TEX26: variants seen among roughly 807,000 people sequenced by gnomAD.
TEX26 encodes testis-expressed protein 26.
Under a neutral mutation model 35.3 loss-of-function variants are expected in TEX26, and 34 were observed. The ratio of observed to expected loss-of-function variants is 0.96; its 90% CI spans 0.73 to 1.28. The LOEUF is 1.28. Ranked by LOEUF, TEX26 falls within the 50% of genes most tolerant of loss-of-function variation. TEX26 has a pLI of 0.00. For synonymous variants in TEX26, 136 were observed against 111.8 expected, an observed-to-expected ratio of 1.22 and a Z score of -1.36; for missense variants, 371 against 330.1, an observed-to-expected ratio of 1.12 and a Z score of -0.96.
Position 30,952,831 on chromosome 13 carries a change from A to G in TEX26, c.312+6A>G, listed in dbSNP as rs749074470. The stretch of plus-strand genomic sequence containing the variant: ...ACAAATCTCATCTCAATGAAGTAAG[A>G]TAATATCTACATATGTGTTGAATTT... On this transcript the variant is annotated splice_donor_region_variant and intron_variant, in intron 3 of 6. Coordinates refer to ENST00000380473, the MANE Select transcript of TEX26 (RefSeq NM_152325.3). 6.2e-7 allele frequency: 1 copy of G among 1,610,934 alleles called. No individual in the cohort carries two copies. The highest frequency in any genetic ancestry group is 1.7e-5 in the Admixed American group (1 of 59,868).
intron 6 of TEX26, among the ~76,000 whole-genome samples, chr13:30,971,473 T>A (rs1954709394): frequency 1.3e-5 from 2 of 152,140 alleles, no homozygotes; most frequent in African/African-American, 2.4e-5. Context: ...GCCAGGCTTG[T>A]TCTTAAGTAA....
At position 30,964,704 on chromosome 13, in the gene TEX26, G is replaced by A. The variant is rs554866381; in HGVS notation, c.470-1518G>A. Among the ~76,000 whole-genome samples the A allele has an allele frequency of 2.3e-4, 35 of 152,340 alleles. No homozygotes were observed. The South Asian group carries it at 5.8e-3, about 25-fold the overall frequency. The stretch of plus-strand genomic sequence containing the variant: ...GTTTCATGATTCTGGAGGCTGGGAA[G>A]CCAAGAGCATAGTACTGGCACCTTG... On this transcript the variant is annotated intron_variant, in intron 4 of 6. Transcript: ENST00000380473.
chr13:30,942,396 C>T (rs1210602627), intron 2 of TEX26, among the ~76,000 whole-genome samples: 31 of 151,740 alleles, frequency 2.0e-4, no homozygotes, highest in Admixed American at 2.0e-3. Context: ...TCTTTGAGTT[C>T]CTTGTAGATT....
intron 2 of TEX26, among the ~76,000 whole-genome samples, chr13:30,940,056 A>AAT (rs1238248503): frequency 1.3e-5 from 2 of 152,196 alleles, no homozygotes; most frequent in East Asian, 3.8e-4. Context: ...TATATAGGTT[A>AAT]ATAAGGTTGT....
chr13:30,961,301 G>A (rs1954334214), intron 4 of TEX26, among the ~76,000 whole-genome samples: 1 of 152,196 alleles, frequency 6.6e-6, no homozygotes, highest in Non-Finnish European at 1.5e-5. Flanking sequence ...ACTATGCAGG[G>A]TTATGAAGGT....
intron 4 of TEX26, among the ~76,000 whole-genome samples, chr13:30,957,401 G>A (rs1000009977): frequency 1.3e-5 from 2 of 152,174 alleles, no homozygotes; most frequent in African/African-American, 4.8e-5. Flanking sequence ...AGCATCAAGG[G>A]CAAAGGGAGG....
At chr13:30,961,737 G>A (rs550727743) in intron 4 of TEX26, among the ~76,000 whole-genome samples, 7 of 152,082 alleles carry the variant, frequency 4.6e-5, no homozygotes, top group Non-Finnish European at 7.4e-5. Flanking sequence ...ACCTTCAATG[G>A]AGATTTTTCC....
At chr13:30,940,663 G>A (rs544602355) in intron 2 of TEX26, among the ~76,000 whole-genome samples, 7 of 152,224 alleles carry the variant, frequency 4.6e-5, no homozygotes, top group Middle Eastern at 3.4e-3. Context: ...GTCACTGGTA[G>A]GTATGAAATC....
At chr13:30,963,031 T>A (rs978550752) in intron 4 of TEX26, among the ~76,000 whole-genome samples, 6 of 151,582 alleles carry the variant, frequency 4.0e-5, no homozygotes, top group Non-Finnish European at 8.8e-5. Flanking sequence ...GGTTTCTCAG[T>A]GTTAGCCAGG....
intron 2 of TEX26, among the ~76,000 whole-genome samples, chr13:30,946,129 T>C (rs1052558458): frequency 6.6e-6 from 1 of 151,920 alleles, no homozygotes; most frequent in Non-Finnish European, 1.5e-5. Flanking sequence ...CCCATATTTC[T>C]TGGAGACTTT....
At chr13:30,971,833 A>G (rs928129964) in intron 6 of TEX26, among the ~76,000 whole-genome samples, 5 of 152,188 alleles carry the variant, frequency 3.3e-5, no homozygotes, top group Non-Finnish European at 7.3e-5. Flanking sequence ...CCCCTAGTTG[A>G]AAGGTAAAAT....
Position 30,968,898 on chromosome 13 carries a change from G to A in TEX26, c.660G>A (p.Leu220=). The change falls in exon 6 of 7, where the codon CTG becomes CTA. Residue 220 remains leucine (L), a synonymous_variant. Transcript: ENST00000380473. ...VASQGLVPSV[L]HSYLRNQEHT... is the part of the protein sequence containing the mutation. ...GTATTTCTATAGTGCCTTCTGTGCT[G>A]CACAGCTACCTGAGGAACCAAGAGC... The A allele has an allele frequency of 6.2e-7, 1 of 1,613,694 alleles. No homozygotes were observed. Among genetic ancestry groups the A allele is most frequent in the Admixed American group, 1.7e-5 (1 of 59,978 alleles).
intron 2 of TEX26, among the ~76,000 whole-genome samples, chr13:30,940,151 T>A (rs1175842856): frequency 2.6e-5 from 4 of 152,082 alleles, no homozygotes; most frequent in Middle Eastern, 3.4e-3. Flanking sequence ...GATGAATGGA[T>A]GAATAAATAC....
At chr13:30,956,299 A>G (rs2138272449) in intron 3 of TEX26, among the ~76,000 whole-genome samples, 1 of 151,646 alleles carries the variant, frequency 6.6e-6, no homozygotes, top group African/African-American at 2.4e-5. Context: ...GTTTGCTGAG[A>G]ATGATGGTTT....
intron 1 of TEX26, chr13:30,933,542 G>C (rs1953153292): frequency 6.6e-6 from 1 of 152,228 alleles, no homozygotes; most frequent in African/African-American, 2.4e-5. Flanking sequence ...TTCCACAGTG[G>C]CTATGGAGCA....
chr13:30,940,592 C>T (rs1444820732), intron 2 of TEX26, among the ~76,000 whole-genome samples: 1 of 152,088 alleles, frequency 6.6e-6, no homozygotes, highest in Non-Finnish European at 1.5e-5. Flanking sequence ...CTCGGCCTTC[C>T]CAAGTGTTGG....
intron 6 of TEX26, among the ~76,000 whole-genome samples, chr13:30,972,174 C>T (rs1317085624): frequency 6.6e-6 from 1 of 152,190 alleles, no homozygotes; most frequent in Non-Finnish European, 1.5e-5. Flanking sequence ...TGAGGAAAGC[C>T]TGCCTGGAGG....
chr13:30,968,864 C>A (rs753630847), intron 5 of TEX26, 21 bp from the exon 6 acceptor site: 1 of 1,608,446 alleles, frequency 6.2e-7, no homozygotes, highest in Non-Finnish European at 8.5e-7. Flanking sequence ...CCGACCTCTC[C>A]TCCCCTGTGT....
At chr13:30,940,322 C>CTTTTTTTTT (rs869246492) in intron 2 of TEX26, among the ~76,000 whole-genome samples, 1,221 of 52,070 alleles carry the variant, frequency 0.023, 256 homozygotes, top group East Asian at 0.047. Flanking sequence ...CATCAGCTGC[C>CTTTTTTTTT]TTTTTTTTTT....
Sources: allele counts gnomAD v4.1 joint callset (sites outside exome capture counted in the v4.1 genomes callset), GRCh38; gene constraint gnomAD v4.1.1; transcripts MANE v1.5; gene names NCBI Gene and HGNC (gene_info 2026-07-23, HGNC 2026-07-21).